ACOXL: variants seen among roughly 807,000 people sequenced by gnomAD.
The protein encoded by ACOXL is acyl-coenzyme A oxidase-like protein.
ACOXL carries 70 observed loss-of-function variants against 71.9 expected under a neutral mutation model. That is an observed-to-expected ratio of 0.97 (90% CI 0.80 to 1.19). The LOEUF (loss-of-function observed/expected upper bound fraction) is 1.19. ACOXL is among the 50% of genes most tolerant of loss of function. The pLI, the probability that ACOXL is intolerant of heterozygous loss-of-function variation, is 0.00. For synonymous variants in ACOXL, 253 were observed against 281.6 expected (o/e 0.90, Z 1.02); for missense variants, 703 against 736.3 (o/e 0.95, Z 0.52).
At chr2:110,775,378 A>G (rs374897800) in intron 2 of ACOXL, among the ~76,000 whole-genome samples, 2 of 152,230 alleles carry the variant, frequency 1.3e-5, no homozygotes, top group Non-Finnish European at 2.9e-5. Flanking sequence ...GTAAAAATTT[A>G]TATAAAAATA....
chr2:110,965,158 C>A (rs1379455143), intron 12 of ACOXL, among the ~76,000 whole-genome samples: 1 of 152,154 alleles, frequency 6.6e-6, no homozygotes, highest in Non-Finnish European at 1.5e-5. Flanking sequence ...GAAATGATTT[C>A]ATTTTTTATG....
chr2:111,014,070 A>G (rs1384795), intron 14 of ACOXL, among the ~76,000 whole-genome samples: 136,619 of 152,234 alleles, frequency 0.9, 61,553 homozygotes, highest in African/African-American at 0.97. Flanking sequence ...AATAGAAAGG[A>G]ATTTCCTCAA....
intron 14 of ACOXL, among the ~76,000 whole-genome samples, chr2:111,011,108 G>A (rs2064129102): frequency 6.6e-6 from 1 of 152,076 alleles, no homozygotes; most frequent in African/African-American, 2.4e-5. Context: ...ATTATTTAGG[G>A]TTTATGGCAT....
At chr2:110,777,552 CT>C (rs79045034) in intron 2 of ACOXL, among the ~76,000 whole-genome samples, 3,780 of 152,282 alleles carry the variant, frequency 0.025, 68 homozygotes, top group East Asian at 0.055. Flanking sequence ...CCTGCAGAGT[CT>C]TTCTGTTGTG....
chr2:110,781,297 A>C (rs1041937613), intron 2 of ACOXL, among the ~76,000 whole-genome samples: 4 of 152,116 alleles, frequency 2.6e-5, no homozygotes, highest in African/African-American at 9.7e-5. Flanking sequence ...GCCTGTCAAG[A>C]GGCTGTTACT....
chr2:111,072,261 C>T (rs1385862418), intron 16 of ACOXL, among the ~76,000 whole-genome samples: 1 of 152,210 alleles, frequency 6.6e-6, no homozygotes. Flanking sequence ...CCAGCAGCCC[C>T]TGGTAACCAA....
At chr2:111,024,922 A>G (rs957378281) in intron 14 of ACOXL, among the ~76,000 whole-genome samples, 3 of 150,204 alleles carry the variant, frequency 2.0e-5, no homozygotes, top group African/African-American at 7.3e-5. Flanking sequence ...TATATTACAT[A>G]TAATTTACAT....
chr2:111,096,164 C>T (rs977292668), intron 17 of ACOXL, among the ~76,000 whole-genome samples: 3 of 152,088 alleles, frequency 2.0e-5, no homozygotes, highest in Admixed American at 6.6e-5. Flanking sequence ...ATGCATCTAA[C>T]ATTCTGGTTA....
At chr2:110,988,191 A>C (rs1233642073) in intron 13 of ACOXL, among the ~76,000 whole-genome samples, 1 of 152,140 alleles carries the variant, frequency 6.6e-6, no homozygotes, top group Non-Finnish European at 1.5e-5. Flanking sequence ...TGATCCTAGC[A>C]CTTTGGGAGG....
intron 10 of ACOXL, among the ~76,000 whole-genome samples, chr2:110,899,636 C>T (rs974123081): frequency 1.3e-5 from 2 of 152,192 alleles, no homozygotes; most frequent in Non-Finnish European, 1.5e-5. Context: ...GAAATTAATA[C>T]AACAGTGAAA....
chr2:110,745,670 A>G (rs930159674), intron 1 of ACOXL, among the ~76,000 whole-genome samples: 5 of 152,314 alleles, frequency 3.3e-5, no homozygotes, highest in African/African-American at 9.6e-5. Context: ...AAGATCAGCA[A>G]TATTTTTGTT....
chr2:110,815,568 G>A (rs1383703419), intron 9 of ACOXL, among the ~76,000 whole-genome samples: 1 of 152,230 alleles, frequency 6.6e-6, no homozygotes, highest in Non-Finnish European at 1.5e-5. Context: ...GTGCTGCCAT[G>A]TCTGTAATAA....
chr2:110,919,265 A>G (rs1277524069), intron 11 of ACOXL, among the ~76,000 whole-genome samples: 1 of 152,208 alleles, frequency 6.6e-6, no homozygotes, highest in Non-Finnish European at 1.5e-5. Context: ...AGGGACATGG[A>G]TGAAGCTGGA....
intron 1 of ACOXL, among the ~76,000 whole-genome samples, chr2:110,733,553 T>TA (rs1676462755): frequency 6.6e-6 from 1 of 152,102 alleles, no homozygotes; most frequent in Non-Finnish European, 1.5e-5. Flanking sequence ...AAGGCCCTAT[T>TA]AAAAATGTCA....
intron 14 of ACOXL, among the ~76,000 whole-genome samples, chr2:111,001,941 G>A (rs1349741301): frequency 6.6e-6 from 1 of 152,160 alleles, no homozygotes; most frequent in Non-Finnish European, 1.5e-5. Context: ...AGTCTTCAAC[G>A]ATCCCTGCCT....
At chr2:110,995,686 A>G (rs375748751) in intron 13 of ACOXL, among the ~76,000 whole-genome samples, 139 of 152,242 alleles carry the variant, frequency 9.1e-4, no homozygotes, top group African/African-American at 3.3e-3. Flanking sequence ...TACCACAAGG[A>G]CAACCACCTA....
At chr2:110,999,675 C>T (rs1381940530) in intron 14 of ACOXL, among the ~76,000 whole-genome samples, 1 of 152,178 alleles carries the variant, frequency 6.6e-6, no homozygotes, top group African/African-American at 2.4e-5. Context: ...CACTCTGTTG[C>T]ACTCTCTCTC....
At position 110,986,956 on chromosome 2, in the gene ACOXL, G is replaced by C; in HGVS notation, c.1060-152G>C. Reference sequence around the variant, plus strand: ...GATAAATGCCCCACATTTGCCTTGGGGAAATAGAGACCCTTGTAAGAATGA... The same window carrying C: ...GATAAATGCCCCACATTTGCCTTGGCGAAATAGAGACCCTTGTAAGAATGA... On this transcript the variant is annotated intron_variant, in intron 12 of 17. Transcript: ENST00000439055. 5 of 658,378 alleles carry C rather than the reference G, an allele frequency of 7.6e-6. No individual in the cohort carries two copies. In the South Asian group the frequency reaches 9.8e-5, roughly 13 times the overall value. 40.8% of individuals were successfully genotyped at this position (658,378 alleles called of 1,614,324 possible). A position where few individuals can be genotyped will look rare whatever the true frequency, so the allele number is the denominator to read the frequency against.
intron 9 of ACOXL, among the ~76,000 whole-genome samples, chr2:110,830,791 CCAAAGTG>C (rs1689736301): frequency 6.6e-6 from 1 of 152,148 alleles, no homozygotes; most frequent in Non-Finnish European, 1.5e-5. Flanking sequence ...CCTCGGCCTC[CCAAAGTG>C]CTGGGATTAC....
Sources: gnomAD v4.1 joint callset for allele counts (sites outside exome capture counted in the v4.1 genomes callset) on GRCh38, gnomAD v4.1.1 for gene constraint, MANE v1.5 for transcripts, NCBI Gene and HGNC (gene_info 2026-07-23, HGNC 2026-07-21) for gene names.